HCN1: variants seen among roughly 807,000 people sequenced by gnomAD.
HCN1 encodes potassium/sodium hyperpolarization-activated cyclic nucleotide-gated channel 1.
HCN1 carries 13 observed loss-of-function variants against 78.9 expected under a neutral mutation model. That is an observed-to-expected ratio of 0.16 (90% confidence interval 0.11 to 0.26). HCN1 has a LOEUF of 0.26. HCN1 is among the 10% of genes least tolerant of loss of function. The probability of loss-of-function intolerance (pLI) is 1.00; values close to 1 mark genes in which losing one functional copy is unlikely to be tolerated. For synonymous variants in HCN1, 552 were observed against 455.5 expected, an observed-to-expected ratio of 1.21 and a Z score of -2.70; for missense variants, 810 against 1,154.3, an observed-to-expected ratio of 0.70 and a Z score of 4.32.
At chr5:45,292,636 C>T (rs1745404166) in intron 6 of HCN1, among the ~76,000 whole-genome samples, 1 of 151,754 alleles carries the variant, frequency 6.6e-6, no homozygotes, top group African/African-American at 2.4e-5. Flanking sequence ...TATAAATTTC[C>T]TATCTTCAAA....
At chr5:45,449,356 G>C (rs1012708578) in intron 3 of HCN1, among the ~76,000 whole-genome samples, 1 of 152,074 alleles carries the variant, frequency 6.6e-6, no homozygotes, top group Non-Finnish European at 1.5e-5. Flanking sequence ...AACTTTACTT[G>C]CATGCTTCTT....
chr5:45,454,928 C>T (rs1047054574), intron 3 of HCN1, among the ~76,000 whole-genome samples: 1 of 152,060 alleles, frequency 6.6e-6, no homozygotes, highest in Admixed American at 6.6e-5. Flanking sequence ...ACCCAGCACA[C>T]ATTTATTGGG....
intron 3 of HCN1, among the ~76,000 whole-genome samples, chr5:45,425,904 A>G (rs1740336743): frequency 6.6e-6 from 1 of 152,208 alleles, no homozygotes; most frequent in South Asian, 2.1e-4. Flanking sequence ...ATGCTTGGGA[A>G]TGACAAAAGA....
intron 3 of HCN1, among the ~76,000 whole-genome samples, chr5:45,405,575 T>C (rs1175388599): frequency 6.6e-6 from 1 of 152,096 alleles, no homozygotes; most frequent in African/African-American, 2.4e-5. Flanking sequence ...GACCAGCTTA[T>C]GTTTAAAATT....
Position 45,615,500 on chromosome 5 carries a change from G to T in HCN1, c.849+29685C>A, listed in dbSNP as rs1015953045. Among the ~76,000 whole-genome samples the T allele has an allele frequency of 7.9e-5, 12 of 152,064 alleles. No homozygotes were observed. The East Asian group carries it at 1.5e-3, about 20-fold the overall frequency. ...AGAGATGCTAGTGTGGGTACAGAATGTAGTGTTTAATTGCAAGACTACAGA... is the reference window on the plus strand; with the variant it reads ...AGAGATGCTAGTGTGGGTACAGAATTTAGTGTTTAATTGCAAGACTACAGA... On this transcript the variant is annotated intron_variant, in intron 2 of 7. Coordinates refer to ENST00000303230, the MANE Select transcript of HCN1 (RefSeq NM_021072.4).
At chr5:45,332,199 T>A (rs576473281) in intron 5 of HCN1, among the ~76,000 whole-genome samples, 1 of 151,602 alleles carries the variant, frequency 6.6e-6, no homozygotes, top group East Asian at 1.9e-4. Context: ...TTTTTGTGGG[T>A]ACATAGTAGT....
intron 1 of HCN1, among the ~76,000 whole-genome samples, chr5:45,664,402 A>T (rs1206018196): frequency 2.7e-5 from 4 of 146,398 alleles, no homozygotes; most frequent in Non-Finnish European, 4.5e-5. Flanking sequence ...GCACATGTAT[A>T]CATATGTAAC....
intron 2 of HCN1, among the ~76,000 whole-genome samples, chr5:45,484,209 G>T (rs1006082884): frequency 6.6e-6 from 1 of 152,110 alleles, no homozygotes; most frequent in African/African-American, 2.4e-5. Context: ...GAGGCGGGCA[G>T]ATCACAAGGT....
At chr5:45,304,002 T>C (rs377372374) in intron 5 of HCN1, among the ~76,000 whole-genome samples, 163 bp from the exon 6 acceptor site, 1 of 152,170 alleles carries the variant, frequency 6.6e-6, no homozygotes, top group Admixed American at 6.6e-5. Context: ...GTCAGGATTA[T>C]GTTTTATTTT....
intron 4 of HCN1, among the ~76,000 whole-genome samples, chr5:45,374,046 T>TA (rs1491239105): frequency 1.2e-3 from 114 of 91,230 alleles, no homozygotes; most frequent in African/African-American, 4.8e-3. Flanking sequence ...ATAATATATA[T>TA]TATATATATT....
At chr5:45,468,404 A>G (rs185744490) in intron 2 of HCN1, among the ~76,000 whole-genome samples, 1 of 152,252 alleles carries the variant, frequency 6.6e-6, no homozygotes, top group East Asian at 1.9e-4. Context: ...TTTAATAAAC[A>G]TATACATGTT....
intron 4 of HCN1, among the ~76,000 whole-genome samples, chr5:45,355,043 T>C (rs903889637): frequency 2.0e-5 from 3 of 152,046 alleles, no homozygotes; most frequent in South Asian, 2.1e-4. Context: ...TGTATAGTTA[T>C]TTTATTTTTA....
At chr5:45,289,940 T>C (rs1390613410) in intron 6 of HCN1, among the ~76,000 whole-genome samples, 1 of 151,880 alleles carries the variant, frequency 6.6e-6, no homozygotes, top group Non-Finnish European at 1.5e-5. Flanking sequence ...CTCTGCCTGT[T>C]TATATTGGGG....
intron 2 of HCN1, among the ~76,000 whole-genome samples, chr5:45,474,465 C>T (rs574307386): frequency 1.3e-5 from 2 of 151,794 alleles, no homozygotes; most frequent in Non-Finnish European, 2.9e-5. Flanking sequence ...TTTTTCAAAA[C>T]CTCCTAAATT....
chr5:45,598,881 T>C lies in HCN1; in HGVS notation c.849+46304A>G, dbSNP rs531381267. ...ACAATGAGATACCATCTCACACTAG[T>C]TAGAATGGCGATCATTAAAAAGTCA... On this transcript the variant is annotated intron_variant, in intron 2 of 7. Coordinates refer to ENST00000303230, the MANE Select transcript of HCN1 (RefSeq NM_021072.4). Among the ~76,000 whole-genome samples the C allele has an allele frequency of 1.1e-4, 16 of 152,274 alleles. No individual in the cohort carries two copies. The South Asian group carries it at 3.3e-3, about 32-fold the overall frequency.
chr5:45,308,718 G>T lies in HCN1; in HGVS notation c.1378-4879C>A, dbSNP rs562804507. ...AATTATTTCTGTATTCTGTTCCATT[G>T]TTCTATGAGTCTGTTCTTGTACCAG... On this transcript the variant is annotated intron_variant, in intron 5 of 7. Transcript: ENST00000303230. Among the ~76,000 whole-genome samples, 4 of 151,968 alleles carry T rather than the reference G, an allele frequency of 2.6e-5. No homozygotes were observed. In the South Asian group the frequency reaches 8.3e-4, roughly 31 times the overall value.
At chr5:45,406,154 G>T (rs1434301092) in intron 3 of HCN1, among the ~76,000 whole-genome samples, 1 of 151,716 alleles carries the variant, frequency 6.6e-6, no homozygotes, top group African/African-American at 2.4e-5. Flanking sequence ...TATAAAACAG[G>T]CCCCAAATTT....
At chr5:45,649,212 T>C (rs1463010690) in intron 1 of HCN1, among the ~76,000 whole-genome samples, 1 of 152,082 alleles carries the variant, frequency 6.6e-6, no homozygotes, top group Non-Finnish European at 1.5e-5. Flanking sequence ...ATGAGTTTCT[T>C]AGTTTGTTTG....
At chr5:45,269,185 C>A (rs1187655827) in intron 6 of HCN1, among the ~76,000 whole-genome samples, 3 of 152,144 alleles carry the variant, frequency 2.0e-5, no homozygotes, top group Non-Finnish European at 2.9e-5. Flanking sequence ...GCACAGGAAT[C>A]TTATTTGGGT....
Sources: gnomAD v4.1 joint callset for allele counts (sites outside exome capture counted in the v4.1 genomes callset) on GRCh38, gnomAD v4.1.1 for gene constraint, MANE v1.5 for transcripts, NCBI Gene and HGNC (gene_info 2026-07-23, HGNC 2026-07-21) for gene names.